The following LRRC7 variants were observed in gnomAD, a reference collection of about 807,000 sequenced individuals.
LRRC7 encodes the protein leucine rich repeat containing 7.
Under a neutral mutation model 175.7 loss-of-function variants are expected in LRRC7, and 23 were observed. The ratio of observed to expected loss-of-function variants is 0.13; its 90% confidence interval spans 0.09 to 0.19. The LOEUF is 0.19. Ranked by LOEUF, LRRC7 falls within the 10% of genes least tolerant of loss-of-function variation. The pLI is 1.00. For missense variants in LRRC7, 1,354 were observed against 1,904.7 expected (o/e 0.71, Z 5.38); for synonymous variants, 685 against 680.9 (o/e 1.01, Z -0.09).
intron 2 of LRRC7, among the ~76,000 whole-genome samples, chr1:69,690,865 G>A (rs933156807): frequency 2.6e-5 from 4 of 152,196 alleles, no homozygotes; most frequent in African/African-American, 9.7e-5. Flanking sequence ...GTTGGTTGAG[G>A]TAAGGAGAAT....
chr1:69,689,971 GA>G (rs1661630483), intron 2 of LRRC7, among the ~76,000 whole-genome samples: 1 of 152,116 alleles, frequency 6.6e-6, no homozygotes, highest in Non-Finnish European at 1.5e-5. Flanking sequence ...TAGACCTTCA[GA>G]AAATTGAAAT....
chr1:69,579,097 A>T (rs1224722799), intron 1 of LRRC7, among the ~76,000 whole-genome samples: 2 of 152,126 alleles, frequency 1.3e-5, no homozygotes, highest in African/African-American at 4.8e-5. Flanking sequence ...AGTTCAGAAG[A>T]TAGAAACTTT....
chr1:69,828,472 T>C (rs948359781), intron 5 of LRRC7, among the ~76,000 whole-genome samples: 1 of 152,124 alleles, frequency 6.6e-6, no homozygotes, highest in South Asian at 2.1e-4. Context: ...TTTTAGCCAG[T>C]GTAGTAGAAA....
At chr1:69,811,926 T>A (rs979650368) in intron 4 of LRRC7, among the ~76,000 whole-genome samples, 5 of 151,894 alleles carry the variant, frequency 3.3e-5, no homozygotes, top group African/African-American at 1.2e-4. Context: ...TAATAAAAAA[T>A]TTTTAAAAAA....
At chr1:70,009,144 T>C (rs1051345294) in intron 11 of LRRC7, among the ~76,000 whole-genome samples, 1 of 152,164 alleles carries the variant, frequency 6.6e-6, no homozygotes, top group African/African-American at 2.4e-5. Context: ...TTAATTATAT[T>C]ATTTTCATTA....
chr1:70,135,006 A>G lies in LRRC7; in HGVS notation c.*13119A>G, dbSNP rs1223606537. On this transcript the variant is annotated 3_prime_UTR_variant, in exon 27 of 27. Transcript: ENST00000651989. ...GATAGGTTTAGTTGTAAAATCCAGA[A>G]CTATTTAAATACTAGAATGAAAATT... is the stretch of plus-strand genomic sequence containing the variant. Among the ~76,000 whole-genome samples the G allele has an allele frequency of 6.6e-6, 1 of 152,204 alleles. No homozygotes were observed. Among genetic ancestry groups the G allele is most frequent in the African/African-American group, 2.4e-5 (1 of 41,454 alleles).
rs1401129626 is a variant in LRRC7, at chr1:70,130,846, G to C, written c.*8959G>C. On this transcript the variant is annotated 3_prime_UTR_variant, in exon 27 of 27. Transcript: ENST00000651989. ...CTACGGAAGTGTAGTTGAGAGAAAGGGGTCTCCACCTACCTATTTAGCTCT... is the reference window on the plus strand; with the variant it reads ...CTACGGAAGTGTAGTTGAGAGAAAGCGGTCTCCACCTACCTATTTAGCTCT... 6.6e-6 allele frequency among the ~76,000 whole-genome samples: 1 copy of C among 152,114 alleles called. No homozygotes were observed. Among genetic ancestry groups the C allele is most frequent in the East Asian group, 1.9e-4 (1 of 5,182 alleles).
intron 2 of LRRC7, among the ~76,000 whole-genome samples, chr1:69,685,516 GA>G (rs988632997): frequency 2.0e-5 from 3 of 150,720 alleles, no homozygotes; most frequent in Non-Finnish European, 3.0e-5. Flanking sequence ...AATCTCAGGG[GA>G]AAAAAAAGAA....
intron 23 of LRRC7, among the ~76,000 whole-genome samples, chr1:70,055,325 A>G (rs949713648): frequency 1.3e-5 from 2 of 152,184 alleles, no homozygotes; most frequent in Non-Finnish European, 2.9e-5. Flanking sequence ...AGTATTTTAA[A>G]CAGAGAAAGG....
chr1:69,621,389 G>C (rs1403328589), intron 1 of LRRC7, among the ~76,000 whole-genome samples: 2 of 152,108 alleles, frequency 1.3e-5, no homozygotes, highest in Admixed American at 6.6e-5. Flanking sequence ...CCACATCAGA[G>C]TCTGACCATT....
intron 1 of LRRC7, among the ~76,000 whole-genome samples, chr1:69,628,671 T>G (rs913728021): frequency 1.3e-5 from 2 of 152,010 alleles, no homozygotes; most frequent in African/African-American, 4.8e-5. Flanking sequence ...CCTAACACAA[T>G]ATTGAAGGAA....
chr1:70,089,822 A>G lies in LRRC7; in HGVS notation c.4545+3A>G, dbSNP rs1267323954. Reference sequence around the variant, plus strand: ...ATCCATTCAAACCTTCTGACAAGGTAAGAAATGAATATCTTGTTGACAATA... The same window carrying G: ...ATCCATTCAAACCTTCTGACAAGGTGAGAAATGAATATCTTGTTGACAATA... On this transcript the variant is annotated splice_donor_region_variant and intron_variant, in intron 25 of 26. Coordinates refer to ENST00000651989, the MANE Select transcript of LRRC7 (RefSeq NM_001370785.2). 3.8e-6 allele frequency: 6 copies of G among 1,568,690 alleles called. No individual in the cohort carries two copies. Among genetic ancestry groups the G allele is most frequent in the Non-Finnish European group, 5.3e-6 (6 of 1,141,770 alleles).
intron 1 of LRRC7, among the ~76,000 whole-genome samples, chr1:69,571,483 G>A (rs1248414238): frequency 6.6e-6 from 1 of 152,042 alleles, no homozygotes; most frequent in African/African-American, 2.4e-5. Context: ...TAATATGAAT[G>A]TTATTGCTTA....
At chr1:69,624,040 T>C (rs1462505216) in intron 1 of LRRC7, among the ~76,000 whole-genome samples, 3 of 152,140 alleles carry the variant, frequency 2.0e-5, no homozygotes, top group Admixed American at 2.0e-4. Context: ...CTTGGCTATA[T>C]ATACCTAGGT....
chr1:70,018,098 T>C (rs1657121917), intron 14 of LRRC7, among the ~76,000 whole-genome samples: 1 of 152,048 alleles, frequency 6.6e-6, no homozygotes, highest in South Asian at 2.1e-4. Context: ...TCATTTCCAA[T>C]ATATTTCTGA....
rs1267017787 is a variant in LRRC7 at position 70,023,187 on chromosome 1, G to C, written c.1607G>C (p.Arg536Thr). ...CGTGGGATTACTCTCCAACCTGCCAGACTGTCTGGCGATTGCTGCACACCA... is the reference window on the plus strand; with the variant it reads ...CGTGGGATTACTCTCCAACCTGCCACACTGTCTGGCGATTGCTGCACACCA... ...GQRGITLQPA[R>T]LSGDCCTPWA... The change falls in exon 17 of 27, where the codon AGA becomes ACA. Residue 536 changes from arginine (R) to threonine (T), a missense_variant. Physicochemically the swap from Arg to Thr is moderately conservative, Grantham distance 71. Coordinates refer to ENST00000651989, the MANE Select transcript of LRRC7 (RefSeq NM_001370785.2). 6.4e-7 allele frequency: 1 copy of C among 1,572,850 alleles called. No homozygotes were observed. The highest frequency in any genetic ancestry group is 1.2e-5 in the South Asian group (1 of 84,778).
At chr1:69,569,172 T>C (rs1645628472) in intron 1 of LRRC7, among the ~76,000 whole-genome samples, 1 of 151,838 alleles carries the variant, frequency 6.6e-6, no homozygotes, top group African/African-American at 2.4e-5. Context: ...AAAAATACAA[T>C]TAGAAGATTT....
intron 13 of LRRC7, among the ~76,000 whole-genome samples, chr1:70,016,166 C>T (rs562592453): frequency 1.1e-4 from 17 of 152,186 alleles, no homozygotes; most frequent in Admixed American, 2.0e-4. Context: ...GTTGTCCTGA[C>T]GGGACTGAGT....
intron 1 of LRRC7, among the ~76,000 whole-genome samples, chr1:69,599,441 A>G (rs1453617969): frequency 3.9e-5 from 6 of 152,048 alleles, no homozygotes; most frequent in South Asian, 2.1e-4. Context: ...CATAAAATGA[A>G]CTCTAGTCTT....
Sources: gnomAD v4.1 joint callset for allele counts (sites outside exome capture counted in the v4.1 genomes callset) on GRCh38, gnomAD v4.1.1 for gene constraint, MANE v1.5 for transcripts, NCBI Gene and HGNC (gene_info 2026-07-23, HGNC 2026-07-21) for gene names.